Variants in DNAAF4 observed in about 807,000 individuals in gnomAD.
DNAAF4 encodes dynein assembly factor 4, axonemal.
A neutral mutation model predicts 51.8 loss-of-function variants in DNAAF4; 43 were observed. That is an observed-to-expected ratio of 0.83 (90% CI 0.65 to 1.07). DNAAF4 has a LOEUF of 1.07. Among genes scored for constraint, DNAAF4 ranks in the 50% least tolerant of loss-of-function variants. The pLI is 0.00. For synonymous variants in DNAAF4, 194 were observed against 165.6 expected (o/e 1.17, Z -1.32); for missense variants, 581 against 493.0 (o/e 1.18, Z -1.69).
chr15:55,479,661 G>A (rs527577391), intron 4 of DNAAF4, among the ~76,000 whole-genome samples: 7 of 152,200 alleles, frequency 4.6e-5, no homozygotes, highest in Non-Finnish European at 4.4e-5. Flanking sequence ...GAGACATATC[G>A]CTAAATTCTT....
chr15:55,423,196 T>C (rs1048397576), intron 7 of DNAAF4, among the ~76,000 whole-genome samples: 8 of 148,882 alleles, frequency 5.4e-5, no homozygotes, highest in Non-Finnish European at 1.2e-4. Flanking sequence ...TATGATATAA[T>C]ATAGCATATT....
At position 55,491,162 on chromosome 15, in the gene DNAAF4, C is replaced by G; in HGVS notation, c.366G>C (p.Lys122Asn). 1.9e-6 allele frequency: 3 copies of G among 1,614,060 alleles called. No individual in the cohort carries two copies. Among genetic ancestry groups the G allele is most frequent in the Non-Finnish European group, 2.5e-6 (3 of 1,179,994 alleles). The change falls in exon 4 of 10, where the codon AAG (lysine) becomes AAC (asparagine). Residue 122 changes from lysine (K) to asparagine (N), a missense_variant. By Grantham distance (94) the Lys-to-Asn change is moderately conservative. Transcript: ENST00000321149. ...KEATEAKAAA[K>N]REDQKYALSV... Reference sequence around the variant, plus strand: ...TTAGTGCGTATTTTTGATCTTCCCGCTTTGCTGCAGCTTTTGCTTCTGTAG... The same window carrying G: ...TTAGTGCGTATTTTTGATCTTCCCGGTTTGCTGCAGCTTTTGCTTCTGTAG...
chr15:55,460,605 A>G (rs910854137), intron 5 of DNAAF4, among the ~76,000 whole-genome samples: 6 of 152,236 alleles, frequency 3.9e-5, no homozygotes, highest in African/African-American at 7.2e-5. Flanking sequence ...GAAAGTCAAC[A>G]AAGAAATAAT....
chr15:55,430,981 T>G (rs1301587944), intron 9 of DNAAF4, among the ~76,000 whole-genome samples: 1 of 152,094 alleles, frequency 6.6e-6, no homozygotes, highest in Non-Finnish European at 1.5e-5. Context: ...TGGCATGATC[T>G]CGGCTCACTG....
chr15:55,442,036 G>A, intron 6 of DNAAF4, among the ~76,000 whole-genome samples: 1 of 152,182 alleles, frequency 6.6e-6, no homozygotes. Flanking sequence ...GCATTTTCAA[G>A]TTTGCAGGAA....
intron 4 of DNAAF4, 78 bp downstream of exon 4, chr15:55,491,045 C>G: frequency 6.5e-7 from 1 of 1,537,008 alleles, no homozygotes; most frequent in African/African-American, 1.4e-5. Flanking sequence ...CTGAGGAAGT[C>G]CAGCAGCTGG....
intron 6 of DNAAF4, among the ~76,000 whole-genome samples, chr15:55,448,701 CT>C (rs938930290): frequency 6.6e-6 from 1 of 151,562 alleles, no homozygotes; most frequent in African/African-American, 2.4e-5. Context: ...AACCCCATCT[CT>C]ATTAAAAACT....
Position 55,434,934 on chromosome 15 carries a change from A to G in DNAAF4, c.1018T>C (p.Leu340=). The stretch of plus-strand genomic sequence containing the variant: ...GAAGAATCTTCAATAGCCTTGTGTA[A>G]GTTTTTTAGTTTTAGGTGGCAAGCA... The part of the protein sequence containing the change: ...RAACHLKLKN[L]HKAIEDSSKA... Residue 340 remains leucine, a synonymous_variant, in exon 8 of 10, where the codon TTA becomes CTA. Transcript: ENST00000321149. 6.2e-7 allele frequency: 1 copy of G among 1,611,982 alleles called. No individual in the cohort carries two copies. Among genetic ancestry groups the G allele is most frequent in the Admixed American group, 1.7e-5 (1 of 59,394 alleles).
At chr15:55,474,111 T>A (rs952862202) in intron 4 of DNAAF4, among the ~76,000 whole-genome samples, 13 of 152,158 alleles carry the variant, frequency 8.5e-5, no homozygotes, top group African/African-American at 3.1e-4. Flanking sequence ...GATAAACTTT[T>A]AAAAATAAGA....
rs1012034238 is a variant in DNAAF4, at chr15:55,490,114, C to T, written c.405+1009G>A. 3.9e-5 allele frequency among the ~76,000 whole-genome samples: 6 copies of T among 152,048 alleles called. No homozygotes were observed. The South Asian group carries it at 1.2e-3, about 32-fold the overall frequency. On this transcript the variant is annotated intron_variant, in intron 4 of 9. Transcript: ENST00000321149. ...GTGTTGAACTACTGACCTCATGATC[C>T]GCCCGCCTCGGCCTCCCAAAAGTGC...
intron 5 of DNAAF4, among the ~76,000 whole-genome samples, chr15:55,463,892 C>A (rs2058131095): frequency 6.6e-6 from 1 of 152,100 alleles, no homozygotes; most frequent in South Asian, 2.1e-4. Flanking sequence ...CAAAAGCAAT[C>A]TACAAATTCA....
intron 6 of DNAAF4, 82 bp downstream of exon 6, chr15:55,450,140 G>C: frequency 7.2e-7 from 1 of 1,395,444 alleles, no homozygotes; most frequent in Non-Finnish European, 9.6e-7. Flanking sequence ...AAGAAATTCA[G>C]AACCAGTACT....
chr15:55,477,315 T>A (rs540274839), intron 4 of DNAAF4, among the ~76,000 whole-genome samples: 16 of 152,308 alleles, frequency 1.1e-4, no homozygotes, highest in South Asian at 8.3e-4. Context: ...ATAAACTTTT[T>A]AAAAAGACAA....
At chr15:55,490,402 AT>A (rs1228052616) in intron 4 of DNAAF4, among the ~76,000 whole-genome samples, 1 of 152,170 alleles carries the variant, frequency 6.6e-6, no homozygotes, top group East Asian at 1.9e-4. Context: ...AAATGGGTAA[AT>A]TATATGGAAT....
At chr15:55,473,821 A>G (rs1595933044) in intron 4 of DNAAF4, among the ~76,000 whole-genome samples, 1 of 151,512 alleles carries the variant, frequency 6.6e-6, no homozygotes, top group Admixed American at 6.6e-5. Context: ...CAAAACCCCT[A>G]TCTCTACAAA....
chr15:55,436,205 T>C (rs1269860188), intron 7 of DNAAF4, among the ~76,000 whole-genome samples: 1 of 152,170 alleles, frequency 6.6e-6, no homozygotes, highest in Non-Finnish European at 1.5e-5. Context: ...ACACTTGTTA[T>C]TTTCTGTTTT....
chr15:55,438,840 G>A (rs947783164), intron 7 of DNAAF4, among the ~76,000 whole-genome samples: 1 of 151,606 alleles, frequency 6.6e-6, no homozygotes, highest in Non-Finnish European at 1.5e-5. Flanking sequence ...CTGTAGCTTT[G>A]CAAAAAGCCC....
At chr15:55,420,680 G>A (rs973441509) in intron 7 of DNAAF4, among the ~76,000 whole-genome samples, 1 of 152,154 alleles carries the variant, frequency 6.6e-6, no homozygotes, top group African/African-American at 2.4e-5. Flanking sequence ...AAATAGTGGG[G>A]CACTGCACAA....
intron 9 of DNAAF4, among the ~76,000 whole-genome samples, chr15:55,431,661 G>T (rs778500363): frequency 5.9e-5 from 9 of 151,876 alleles, no homozygotes; most frequent in Admixed American, 1.3e-4. Flanking sequence ...TGTATTTTTA[G>T]TAGAGACGGG....
Sources: allele counts gnomAD v4.1 joint callset (sites outside exome capture counted in the v4.1 genomes callset), GRCh38; gene constraint gnomAD v4.1.1; transcripts MANE v1.5; gene names NCBI Gene and HGNC (gene_info 2026-07-23, HGNC 2026-07-21).